Variants in TG observed in about 807,000 individuals in gnomAD.
TG encodes thyroglobulin.
TG carries 270 observed loss-of-function variants against 324.7 expected under a neutral mutation model. That is an observed-to-expected ratio of 0.83 (90% CI 0.75 to 0.92). TG has a LOEUF of 0.92. TG is among the 40% of genes least tolerant of loss of function. TG has a pLI of 0.00. For synonymous variants in TG, 1,401 were observed against 1,327.0 expected (o/e 1.06, Z -1.21); for missense variants, 3,591 against 3,456.4 (o/e 1.04, Z -0.98).
chr8:132,934,319 A>C (rs756345691), intron 24 of TG, among the ~76,000 whole-genome samples: 6 of 143,796 alleles, frequency 4.2e-5, no homozygotes, highest in Non-Finnish European at 7.7e-5. Flanking sequence ...TGGGCTGCAG[A>C]GTGAAGACTC....
chr8:133,013,186 T>C (rs1280785728), intron 36 of TG, among the ~76,000 whole-genome samples: 1 of 152,266 alleles, frequency 6.6e-6, no homozygotes, highest in Non-Finnish European at 1.5e-5. Flanking sequence ...GTTGGGTTTC[T>C]CATTGCTACC....
chr8:132,966,937 G>A (rs373877430), intron 30 of TG, among the ~76,000 whole-genome samples: 14 of 151,926 alleles, frequency 9.2e-5, no homozygotes, highest in East Asian at 7.7e-4. Flanking sequence ...CCATCTATCC[G>A]TCCATTCACC....
chr8:132,928,928 C>T, intron 22 of TG, 148 bp from the exon 23 acceptor site: 1 of 713,178 alleles, frequency 1.4e-6, no homozygotes, highest in South Asian at 1.6e-5. Flanking sequence ...TTGGAGCTAC[C>T]TTACAAAGGA....
At chr8:132,933,747 C>T in intron 24 of TG, 71 bp downstream of exon 24, 1 of 1,418,062 alleles carries the variant, frequency 7.1e-7, no homozygotes, top group East Asian at 2.3e-5. Flanking sequence ...GAGGAGCGGG[C>T]AGCAGGCTGG....
At chr8:132,941,234 C>T (rs928106239) in intron 25 of TG, 117 bp from the exon 26 acceptor site, 10 of 1,255,082 alleles carry the variant, frequency 8.0e-6, no homozygotes, top group South Asian at 2.5e-5. Flanking sequence ...TTGGCCCACA[C>T]GCTGCCTGGA....
In TG at chr8:132,893,996, C is replaced by T. The variant is rs559197090; in HGVS notation, c.3001+67C>T. 13 of 1,612,222 alleles carry T rather than the reference C, an allele frequency of 8.1e-6. No homozygotes were observed. The South Asian group carries it at 1.3e-4, about 16-fold the overall frequency. ...GAAAAGCAGGAGCTTAAATTCGTCT[C>T]TCCTCAGTCATCCTTAGGACTTTGT... On this transcript the variant is annotated intron_variant, in intron 11 of 47. Coordinates refer to ENST00000220616, the MANE Select transcript of TG (RefSeq NM_003235.5).
At chr8:133,000,459 T>C (rs76049120) in intron 35 of TG, among the ~76,000 whole-genome samples, 19 of 152,302 alleles carry the variant, frequency 1.2e-4, no homozygotes, top group East Asian at 5.8e-4. Context: ...AGACCAATAA[T>C]TGAGACTTAG....
Position 132,941,540 on chromosome 8 carries a change from G to T in TG, c.5231G>T (p.Gly1744Val). ...CDGFVLTQVQ[G>V]GAIICGLLSS... is the part of the protein sequence containing the mutation. Reference sequence around the variant, plus strand: ...GGCTTCGTCCTCACACAGGTTCAAGGAGGTAATGTTGGCAGTGAGGGCCAG... The same window carrying T: ...GGCTTCGTCCTCACACAGGTTCAAGTAGGTAATGTTGGCAGTGAGGGCCAG... Residue 1744 changes from glycine to valine, a missense_variant and splice_region_variant, in exon 26 of 48, where the codon GGA becomes GTA. By Grantham distance (109) the Gly-to-Val change is moderately radical (BLOSUM62 -3). Transcript: ENST00000220616. The T allele has an allele frequency of 1.2e-6, 2 of 1,614,192 alleles. No individual in the cohort carries two copies. Among genetic ancestry groups the T allele is most frequent in the Non-Finnish European group, 1.7e-6 (2 of 1,180,040 alleles).
intron 7 of TG, 30 bp downstream of exon 7, chr8:132,882,642 G>C (rs774834700): frequency 1.2e-6 from 2 of 1,614,234 alleles, no homozygotes; most frequent in South Asian, 1.1e-5. Context: ...CAATGTGCGT[G>C]TTTCCATTAG....
At chr8:132,972,869 T>C in intron 34 of TG, 128 bp downstream of exon 34, 1 of 1,300,956 alleles carries the variant, frequency 7.7e-7, no homozygotes, top group Non-Finnish European at 1.1e-6. Context: ...GCAACAGAAA[T>C]AGATTCTGTT....
chr8:132,932,941 G>A (rs1822932355), intron 23 of TG, among the ~76,000 whole-genome samples: 2 of 152,218 alleles, frequency 1.3e-5, no homozygotes, highest in African/African-American at 2.4e-5. Context: ...GGCAGATACA[G>A]CTTAGTAACT....
chr8:132,983,263 A>T, intron 34 of TG, 87 bp from the exon 35 acceptor site: 2 of 1,432,572 alleles, frequency 1.4e-6, no homozygotes, highest in East Asian at 2.3e-5. Context: ...TTTTACAATC[A>T]CCATCTTATA....
chr8:132,952,844 A>G (rs1458568888), intron 27 of TG, among the ~76,000 whole-genome samples: 1 of 152,184 alleles, frequency 6.6e-6, no homozygotes, highest in African/African-American at 2.4e-5. Flanking sequence ...TTAAGAAACA[A>G]TCTTTGCATT....
chr8:133,004,841 T>G (rs1786156291), intron 35 of TG, among the ~76,000 whole-genome samples: 1 of 152,068 alleles, frequency 6.6e-6, no homozygotes, highest in Admixed American at 6.5e-5. Flanking sequence ...ATGGCCTGAG[T>G]GGGCTGAGAC....
At position 132,985,180 on chromosome 8, in the gene TG, A is replaced by G. The variant is rs529574753; in HGVS notation, c.6262+1768A>G. On this transcript the variant is annotated intron_variant, in intron 35 of 47. Transcript: ENST00000220616. ...ATTCCAAAAAATTCCATAAAGCAAAACTTGAATTTGCTGTGCGTCAAGTAC... is the reference window on the plus strand; with the variant it reads ...ATTCCAAAAAATTCCATAAAGCAAAGCTTGAATTTGCTGTGCGTCAAGTAC... 2.6e-5 allele frequency among the ~76,000 whole-genome samples: 4 copies of G among 152,270 alleles called. 1 individual carries two copies. In the South Asian group the frequency reaches 8.3e-4, roughly 32 times the overall value.
At chr8:132,941,316 A>C in intron 25 of TG, 35 bp from the exon 26 acceptor site, 1 of 1,613,028 alleles carries the variant, frequency 6.2e-7, no homozygotes, top group Non-Finnish European at 8.5e-7. Context: ...CCATGTTTTG[A>C]GGTCTTTTAA....
chr8:133,060,792 T>C (rs1253034919), intron 41 of TG, among the ~76,000 whole-genome samples: 1 of 152,220 alleles, frequency 6.6e-6, no homozygotes, highest in Non-Finnish European at 1.5e-5. Context: ...GTAAAGTCCT[T>C]GCATCATGCT....
chr8:132,923,639 G>A lies in TG; in HGVS notation c.4699+131G>A, dbSNP rs143393563. The A allele has an allele frequency of 2.6e-4, 298 of 1,140,546 alleles. 1 individual carries two copies. The East Asian group carries it at 7.3e-3, about 28-fold the overall frequency. 70.7% of individuals were successfully genotyped at this position (1,140,546 alleles called of 1,614,324 possible). A position where few individuals can be genotyped will look rare whatever the true frequency, so the allele number is the denominator to read the frequency against. ...TTTGTTTTGAAAAATTTTAATCTGT[G>A]TAGAAGTTGGAAGAACCGCAAAATG... On this transcript the variant is annotated intron_variant, in intron 22 of 47. Transcript: ENST00000220616.
chr8:133,003,044 G>A, intron 35 of TG: 3 of 1,064,418 alleles, frequency 2.8e-6, no homozygotes, highest in Non-Finnish European at 3.4e-6. Context: ...AACATACCAG[G>A]TACCTCTCCT....
Sources: allele counts gnomAD v4.1 joint callset (sites outside exome capture counted in the v4.1 genomes callset), GRCh38; gene constraint gnomAD v4.1.1; transcripts MANE v1.5; gene names NCBI Gene and HGNC (gene_info 2026-07-23, HGNC 2026-07-21).